WASHC4: variants seen among roughly 807,000 people sequenced by gnomAD.
WASHC4 encodes the protein WASH complex subunit 4.
In WASHC4, 86 loss-of-function variants were observed where a neutral mutation model predicts 166.6. That is an observed-to-expected ratio of 0.52 (90% CI 0.43 to 0.62). The LOEUF (loss-of-function observed/expected upper bound fraction) is 0.62, where lower values mean the gene tolerates loss of function less well. WASHC4 is among the 20% of genes least tolerant of loss of function. WASHC4 has a pLI of 0.00. For synonymous variants in WASHC4, 446 were observed against 451.6 expected, an observed-to-expected ratio of 0.99 and a Z score of 0.16; for missense variants, 1,262 against 1,382.4, an observed-to-expected ratio of 0.91 and a Z score of 1.38.
At chr12:105,153,071 A>T (rs1883892861) in intron 26 of WASHC4, among the ~76,000 whole-genome samples, 1 of 152,236 alleles carries the variant, frequency 6.6e-6, no homozygotes, top group Admixed American at 6.5e-5. Context: ...AAGATGAAAA[A>T]AGAGAAACTT....
rs1247402314 is a variant in WASHC4, at chr12:105,168,703, T to C, written c.*1772T>C. The C allele has an allele frequency of 6.6e-6, 1 of 152,028 alleles. No homozygotes were observed. The highest frequency in any genetic ancestry group is 2.1e-4 in the South Asian group (1 of 4,822). The allele number at this position is 152,028 out of a possible 1,614,324, so 9.4% of individuals were successfully genotyped here. A position where few individuals can be genotyped will look rare whatever the true frequency, so the allele number is the denominator to read the frequency against. ...GAGAAGAAAATGACAGACAATTATT[T>C]TTCCTTTAGGTCAAAATAATGTCAC... On this transcript the variant is annotated 3_prime_UTR_variant, in exon 33 of 33. Coordinates refer to ENST00000332180, the MANE Select transcript of WASHC4 (RefSeq NM_015275.3).
At chr12:105,136,956 A>G (rs938723835) in intron 14 of WASHC4, among the ~76,000 whole-genome samples, 2 of 152,148 alleles carry the variant, frequency 1.3e-5, no homozygotes, top group African/African-American at 4.8e-5. Context: ...TTTCTTTCAC[A>G]TGTGGTGGGA....
rs774203380 is a variant in WASHC4 at position 105,152,330 on chromosome 12, AT to A, written c.2650-9del. The A allele has an allele frequency of 2.2e-6, 3 of 1,389,420 alleles. No homozygotes were observed. The Admixed American group carries it at 5.0e-5, about 23-fold the overall frequency. 86.1% of individuals were successfully genotyped at this position (1,389,420 alleles called of 1,614,324 possible). On this transcript the variant is annotated splice_polypyrimidine_tract_variant and intron_variant, in intron 25 of 32. Transcript: ENST00000332180. The stretch of plus-strand genomic sequence containing the variant: ...AATCTTTATTAAAAGTAGCCTTAAA[AT>A]TTTCTGTCTAGTATCCTTTTGATAG...
chr12:105,137,044 G>A (rs1447499473), intron 14 of WASHC4, among the ~76,000 whole-genome samples: 1 of 152,088 alleles, frequency 6.6e-6, no homozygotes, highest in Non-Finnish European at 1.5e-5. Context: ...ACATAGTTAA[G>A]GTTCCTTGCT....
intron 17 of WASHC4, 45 bp from the exon 18 acceptor site, chr12:105,141,122 A>G (rs1226248436): frequency 5.6e-6 from 9 of 1,609,648 alleles, no homozygotes; most frequent in African/African-American, 2.7e-5. Flanking sequence ...GACCCTAGAA[A>G]CCTTTGACTG....
intron 24 of WASHC4, chr12:105,148,177 A>G (rs892322307): frequency 1.0e-6 from 1 of 985,208 alleles, no homozygotes; most frequent in Non-Finnish European, 1.2e-6. Flanking sequence ...TTTTGAGCCA[A>G]TGAGTGATAT....
chr12:105,127,688 T>A (rs1003475414), intron 13 of WASHC4, among the ~76,000 whole-genome samples: 4 of 152,160 alleles, frequency 2.6e-5, no homozygotes, highest in Non-Finnish European at 4.4e-5. Flanking sequence ...CCCTTCTTTT[T>A]ATTTTTATGA....
At chr12:105,119,916 AAG>A (rs1880565246) in intron 7 of WASHC4, among the ~76,000 whole-genome samples, 1 of 152,222 alleles carries the variant, frequency 6.6e-6, no homozygotes, top group Non-Finnish European at 1.5e-5. Context: ...AACCCAACTG[AAG>A]AGAGGACTGA....
chr12:105,163,852 A>G (rs1403059172), intron 30 of WASHC4, among the ~76,000 whole-genome samples: 3 of 151,384 alleles, frequency 2.0e-5, no homozygotes, highest in African/African-American at 4.8e-5. Context: ...GGTGATTTAT[A>G]TGGCCATGTT....
chr12:105,142,337 T>G (rs1882940371), intron 18 of WASHC4, 116 bp from the exon 19 acceptor site: 1 of 708,242 alleles, frequency 1.4e-6, no homozygotes, highest in East Asian at 2.7e-5. Context: ...TTAAGTGATG[T>G]AGGGAATGCG....
At chr12:105,133,325 TGCTTCAAACTTTG>T in intron 13 of WASHC4, among the ~76,000 whole-genome samples, 1 of 152,252 alleles carries the variant, frequency 6.6e-6, no homozygotes, top group Admixed American at 6.5e-5. Flanking sequence ...CTCATTCATC[TGCTTCAAACTTTG>T]GCTCAAAATC....
intron 30 of WASHC4, 149 bp downstream of exon 30, chr12:105,162,994 C>T (rs1321169998): frequency 1.8e-5 from 9 of 514,076 alleles, no homozygotes; most frequent in African/African-American, 3.9e-5. Flanking sequence ...AGTCTCGTCT[C>T]GCTCTGTTGC....
At position 105,164,250 on chromosome 12, in the gene WASHC4, T is replaced by C; in HGVS notation, c.3297T>C (p.Asp1099=). 2 of 1,614,116 alleles carry C rather than the reference T, an allele frequency of 1.2e-6. No individual in the cohort carries two copies. Among genetic ancestry groups the C allele is most frequent in the Middle Eastern group, 1.7e-4 (1 of 6,060 alleles). The change falls in exon 31 of 33, where the codon GAT becomes GAC. Residue 1099 remains aspartate, a synonymous_variant. Transcript: ENST00000332180. Reference sequence around the variant, plus strand: ...AGAATGTACAGTCAGCCAGTCAAGATGAAAAACTCTTACAAACCATGAATC... The same window carrying C: ...AGAATGTACAGTCAGCCAGTCAAGACGAAAAACTCTTACAAACCATGAATC... ...KQQNVQSASQ[D]EKLLQTMNLT... is the part of the protein sequence containing the mutation.
At chr12:105,120,817 G>T (rs917895876) in intron 8 of WASHC4, among the ~76,000 whole-genome samples, 1 of 152,034 alleles carries the variant, frequency 6.6e-6, no homozygotes, top group African/African-American at 2.4e-5. Context: ...CAGTAGTGCC[G>T]TAATGCAGAT....
Position 105,142,521 on chromosome 12 carries a change from A to G in WASHC4, c.1856A>G (p.Asp619Gly). 1 of 1,606,172 alleles carries G rather than the reference A, an allele frequency of 6.2e-7. No individual in the cohort carries two copies. Among genetic ancestry groups the G allele is most frequent in the Non-Finnish European group, 8.5e-7 (1 of 1,173,824 alleles). Residue 619 changes from aspartate (D) to glycine (G), a missense_variant, in exon 19 of 33, where the codon GAT becomes GGT. By Grantham distance (94) the Asp-to-Gly change is moderately conservative. Coordinates refer to ENST00000332180, the MANE Select transcript of WASHC4 (RefSeq NM_015275.3). ...GCTGTCTTCCCAATTTATTTAGATG[A>G]TGTATATGAAAATGCTGTTGATGCA... ...HRAVFPIYLD[D>G]VYENAVDAAR... is the part of the protein sequence containing the mutation.
intron 24 of WASHC4, chr12:105,147,842 T>C (rs1030808396): frequency 1.5e-6 from 1 of 674,902 alleles, no homozygotes; most frequent in African/African-American, 2.0e-5. Context: ...GAGGCAGAGG[T>C]TGCAGTGAGC....
intron 7 of WASHC4, 152 bp downstream of exon 7, chr12:105,118,680 G>A (rs1032068135): frequency 7.4e-6 from 5 of 677,770 alleles, no homozygotes; most frequent in Non-Finnish European, 1.3e-5. Context: ...TCATACGTAG[G>A]TTAGTAAGAT....
At chr12:105,141,592 T>C (rs1882855828) in intron 18 of WASHC4, among the ~76,000 whole-genome samples, 1 of 152,204 alleles carries the variant, frequency 6.6e-6, no homozygotes, top group South Asian at 2.1e-4. Context: ...GTGTGAGACT[T>C]AGCAATCCAT....
intron 28 of WASHC4, among the ~76,000 whole-genome samples, chr12:105,157,818 T>G (rs901337030): frequency 1.3e-5 from 2 of 152,212 alleles, no homozygotes; most frequent in South Asian, 2.1e-4. Context: ...GGAATTGAAG[T>G]GTAAATTTTA....
Sources: gnomAD v4.1 joint callset for allele counts (sites outside exome capture counted in the v4.1 genomes callset) on GRCh38, gnomAD v4.1.1 for gene constraint, MANE v1.5 for transcripts, NCBI Gene and HGNC (gene_info 2026-07-23, HGNC 2026-07-21) for gene names.